The following SLC28A1 variants were observed in gnomAD, a reference collection of about 807,000 sequenced individuals.
The protein encoded by SLC28A1 is solute carrier family 28 member 1.
A neutral mutation model predicts 74.8 loss-of-function variants in SLC28A1; 64 were observed. The observed-to-expected ratio is 0.86, with a 90% CI of 0.70 to 1.05. The LOEUF is 1.05. Among genes scored for constraint, SLC28A1 ranks in the 50% least tolerant of loss-of-function variants. The pLI, the probability that SLC28A1 is intolerant of heterozygous loss-of-function variation, is 0.00. For missense variants in SLC28A1, 828 were observed against 822.8 expected (o/e 1.01, Z -0.08); for synonymous variants, 359 against 335.0 (o/e 1.07, Z -0.78).
Position 84,908,763 on chromosome 15 carries a change from G to C in SLC28A1, c.763G>C (p.Glu255Gln). The C allele has an allele frequency of 6.2e-7, 1 of 1,614,038 alleles. No individual in the cohort carries two copies. Among genetic ancestry groups the C allele is most frequent in the Non-Finnish European group, 8.5e-7 (1 of 1,180,014 alleles). ...GGCTGGCTCCAGCTTCGTGTTTGGG[G>C]AGGCGCTGGTCAAGGATGTCTTTGC... Reference protein sequence around the residue: ...TKAGSSFVFGEALVKDVFAFQ... With the variant: ...TKAGSSFVFGQALVKDVFAFQ... The change falls in exon 9 of 19, where the codon GAG (glutamate) becomes CAG (glutamine). Residue 255 changes from glutamate (E) to glutamine (Q), a missense_variant. Coordinates refer to ENST00000394573, the MANE Select transcript of SLC28A1 (RefSeq NM_004213.5).
intron 12 of SLC28A1, among the ~76,000 whole-genome samples, chr15:84,932,532 A>G (rs560037250): frequency 1.3e-5 from 2 of 152,260 alleles, no homozygotes; most frequent in South Asian, 2.1e-4. Context: ...GCAGGACTGG[A>G]TGTGATGGGT....
At chr15:84,895,197 C>T (rs909553428) in intron 6 of SLC28A1, 74 bp downstream of exon 6, 5 of 1,589,898 alleles carry the variant, frequency 3.1e-6, no homozygotes, top group Admixed American at 1.7e-5. Flanking sequence ...AGGGTTATGG[C>T]CAGGGCTGGA....
chr15:84,945,642 C>T lies in SLC28A1; in HGVS notation c.*442C>T, dbSNP rs1158864131. 1 of 254,578 alleles carries T rather than the reference C, an allele frequency of 3.9e-6. No homozygotes were observed. The highest frequency in any genetic ancestry group is 5.0e-5 in the Admixed American group (1 of 19,888). 15.8% of individuals were successfully genotyped at this position (254,578 alleles called of 1,614,324 possible). A position where few individuals can be genotyped will look rare whatever the true frequency, so the allele number is the denominator to read the frequency against. On this transcript the variant is annotated 3_prime_UTR_variant, in exon 19 of 19. Coordinates refer to ENST00000394573, the MANE Select transcript of SLC28A1 (RefSeq NM_004213.5). ...CTTCCCCTGCTGGGTGGTGTCACCT[C>T]TTTCTCTGCTTTCAGAGAAACCCTT...
At chr15:84,893,831 G>A (rs919226717) in intron 5 of SLC28A1, among the ~76,000 whole-genome samples, 1 of 152,152 alleles carries the variant, frequency 6.6e-6, no homozygotes, top group African/African-American at 2.4e-5. Context: ...TGCAGTCCTG[G>A]GACCTCCCTG....
intron 6 of SLC28A1, chr15:84,895,681 C>A: frequency 7.1e-7 from 1 of 1,403,644 alleles, no homozygotes; most frequent in Non-Finnish European, 9.2e-7. Flanking sequence ...TCCCGCCCAG[C>A]CCACCATTTC....
Position 84,945,328 on chromosome 15 carries a change from C to T in SLC28A1, c.*128C>T. 2.4e-6 allele frequency: 2 copies of T among 835,754 alleles called. No homozygotes were observed. The highest frequency in any genetic ancestry group is 2.0e-5 in the Admixed American group (1 of 50,484). 51.8% of individuals were successfully genotyped at this position (835,754 alleles called of 1,614,324 possible). A position where few individuals can be genotyped will look rare whatever the true frequency, so the allele number is the denominator to read the frequency against. ...AGGACTTAGACCCAGCTCAATCCCA[C>T]AATTGGGAAGGGTTCATGGAGTGAG... On this transcript the variant is annotated 3_prime_UTR_variant, in exon 19 of 19. Coordinates refer to ENST00000394573, the MANE Select transcript of SLC28A1 (RefSeq NM_004213.5).
At chr15:84,946,506 G>A (rs774800976), downstream of SLC28A1, among the ~76,000 whole-genome samples, 62 of 152,148 alleles carry the variant, frequency 4.1e-4, 1 homozygote, top group Middle Eastern at 3.4e-3. Flanking sequence ...GTTAAGTTAT[G>A]TGCCTAAAGG....
chr15:84,920,698 C>CG (rs1567161434), intron 10 of SLC28A1, among the ~76,000 whole-genome samples: 3 of 115,778 alleles, frequency 2.6e-5, no homozygotes, highest in Non-Finnish European at 5.0e-5. Flanking sequence ...TGGTAATCTC[C>CG]AAGGGGTGTG....
At chr15:84,919,326 T>C (rs184410175) in intron 10 of SLC28A1, among the ~76,000 whole-genome samples, 77 of 152,370 alleles carry the variant, frequency 5.1e-4, no homozygotes, top group Admixed American at 2.0e-3. Context: ...TCCAAGGTTT[T>C]AGCTGATTGA....
the SLC28A1 span, among the ~76,000 whole-genome samples, chr15:84,968,239 G>A: frequency 6.6e-6 from 1 of 152,172 alleles, no homozygotes; most frequent in African/African-American, 2.4e-5. Flanking sequence ...GCAGCATGGG[G>A]TAATAATAAA....
At chr15:84,887,585 G>A (rs1964736874) in intron 2 of SLC28A1, 160 bp from the exon 3 acceptor site, 5 of 985,394 alleles carry the variant, frequency 5.1e-6, no homozygotes, top group East Asian at 1.1e-4. Context: ...TCACAAGGAG[G>A]GGTGAGCTCT....
At chr15:84,886,046 T>A (rs905521743) in intron 1 of SLC28A1, 13 of 668,910 alleles carry the variant, frequency 1.9e-5, no homozygotes, top group Non-Finnish European at 2.2e-5. Context: ...AGAGATGTTG[T>A]GAATCCCGTC....
intron 15 of SLC28A1, 30 bp downstream of exon 15, chr15:84,935,548 G>A: frequency 1.3e-6 from 2 of 1,591,226 alleles, no homozygotes; most frequent in Non-Finnish European, 1.7e-6. Context: ...CCCTGCAGCA[G>A]GGGGATGACA....
In SLC28A1 at chr15:84,895,030, T is replaced by C; in HGVS notation, c.368T>C (p.Leu123Pro). ...FVLTCVVLTFLGHRLLKRLLG... is the reference protein window; with the variant it reads ...FVLTCVVLTFPGHRLLKRLLG... ...CTCACCTGTGTGGTCCTCACCTTCC[T>C]GGGCCACCGCCTGCTGAAACGGCTT... Residue 123 changes from leucine (L) to proline (P), a missense_variant, in exon 6 of 19, where the codon CTG becomes CCG. Around this residue, in one of 3 missense-constraint regions of SLC28A1, gnomAD observed 767 missense variants for 753.5 expected, o/e 1.02. Transcript: ENST00000394573. 6.2e-7 allele frequency: 1 copy of C among 1,614,154 alleles called. No individual in the cohort carries two copies. Among genetic ancestry groups the C allele is most frequent in the Non-Finnish European group, 8.5e-7 (1 of 1,180,028 alleles).
At chr15:84,956,442 C>CCTTCCTTCCTTTCTTTCTTT in the SLC28A1 span, among the ~76,000 whole-genome samples, 1 of 124,568 alleles carries the variant, frequency 8.0e-6, no homozygotes, top group African/African-American at 3.4e-5. Context: ...TTCCTTCCTT[C>CCTTCCTTCCTTTCTTTCTTT]CTTTCTTTCT....
chr15:84,941,211 GT>G (rs1163683292), intron 15 of SLC28A1: 79 of 144,844 alleles, frequency 5.5e-4, no homozygotes, highest in African/African-American at 1.0e-3. Flanking sequence ...TTTGGGATTT[GT>G]TTTTTTTTTT....
chr15:84,887,422 G>C lies in SLC28A1; in HGVS notation c.-16-323G>C, dbSNP rs1025806619. The C allele has an allele frequency of 2.3e-5, 23 of 983,844 alleles. No homozygotes were observed. The Admixed American group carries it at 3.7e-4, about 16-fold the overall frequency. 60.9% of individuals were successfully genotyped at this position (983,844 alleles called of 1,614,324 possible). On this transcript the variant is annotated intron_variant, in intron 2 of 18. Coordinates refer to ENST00000394573, the MANE Select transcript of SLC28A1 (RefSeq NM_004213.5). ...GGTGCAGGCTGGGGTGGTGGCGCAC[G>C]CCTGTAATCCCAACACTTTGGGAGG...
Position 84,924,017 on chromosome 15 carries a change from G to C in SLC28A1, c.990G>C (p.Leu330Phe), listed in dbSNP as rs1227154648. 1 of 1,614,002 alleles carries C rather than the reference G, an allele frequency of 6.2e-7. No homozygotes were observed. Among genetic ancestry groups the C allele is most frequent in the Non-Finnish European group, 8.5e-7 (1 of 1,180,020 alleles). Residue 330 changes from leucine (L) to phenylalanine (F), a missense_variant, in exon 12 of 19, where the codon TTG (leucine) becomes TTC (phenylalanine). Around this residue, in one of 3 missense-constraint regions of SLC28A1, gnomAD observed 767 missense variants for 753.5 expected, o/e 1.02. Coordinates refer to ENST00000394573, the MANE Select transcript of SLC28A1 (RefSeq NM_004213.5). ...CTCCATTACTGATCCGGCCCTACTT[G>C]GCAGACATGACACTCTCTGAAGTCC... ...TEAPLLIRPY[L>F]ADMTLSEVHV...
intron 1 of SLC28A1, among the ~76,000 whole-genome samples, chr15:84,885,549 T>C (rs1367623696): frequency 6.6e-6 from 1 of 151,718 alleles, no homozygotes; most frequent in Non-Finnish European, 1.5e-5. Context: ...CTGACCAACA[T>C]GGAGAAACCC....
Sources: allele counts gnomAD v4.1 joint callset (sites outside exome capture counted in the v4.1 genomes callset), GRCh38; gene constraint gnomAD v4.1.1; regional missense constraint gnomAD v4.1.1; transcripts MANE v1.5; gene names NCBI Gene and HGNC (gene_info 2026-07-23, HGNC 2026-07-21).